TMEFF2: variants seen among roughly 807,000 people sequenced by gnomAD.
The protein encoded by TMEFF2 is transmembrane protein with EGF like and two follistatin like domains 2, also known as tomoregulin-2.
TMEFF2 carries 28 observed loss-of-function variants against 53.8 expected under a neutral mutation model. The ratio of observed to expected loss-of-function variants is 0.52; its 90% CI spans 0.39 to 0.71. The LOEUF is 0.71. Among genes scored for constraint, TMEFF2 ranks in the 30% least tolerant of loss-of-function variants. TMEFF2 has a pLI of 0.00. For missense variants in TMEFF2, 353 were observed against 455.2 expected (o/e 0.78, Z 2.04); for synonymous variants, 162 against 166.3 (o/e 0.97, Z 0.20).
chr2:192,050,682 G>GT (rs376089577), intron 5 of TMEFF2, among the ~76,000 whole-genome samples: 203 of 152,260 alleles, frequency 1.3e-3, no homozygotes, highest in African/African-American at 4.7e-3. Flanking sequence ...CCTGGGCATT[G>GT]TTTAATGCCC....
At chr2:192,076,040 C>A (rs1347280533) in intron 4 of TMEFF2, among the ~76,000 whole-genome samples, 1 of 151,758 alleles carries the variant, frequency 6.6e-6, no homozygotes, top group Admixed American at 6.6e-5. Flanking sequence ...TCTCTGTGGG[C>A]ATAATCTGTT....
Position 192,104,522 on chromosome 2 carries a change from G to T in TMEFF2, c.440-46747C>A, listed in dbSNP as rs73982395. 2.6e-3 allele frequency among the ~76,000 whole-genome samples: 398 copies of T among 152,124 alleles called. 1 individual carries two copies. The highest frequency in any genetic ancestry group is 0.02 in the Middle Eastern group (6 of 294). On this transcript the variant is annotated intron_variant, in intron 4 of 9. Coordinates refer to ENST00000272771, the MANE Select transcript of TMEFF2 (RefSeq NM_016192.4). Reference sequence around the variant, plus strand: ...TTGCAATATATGAAACCATTAAAATGGTAATAAAAAATAGAAAGTGGTTAC... The same window carrying T: ...TTGCAATATATGAAACCATTAAAATTGTAATAAAAAATAGAAAGTGGTTAC...
chr2:192,136,706 C>G (rs1380928863), intron 4 of TMEFF2, among the ~76,000 whole-genome samples: 1 of 152,104 alleles, frequency 6.6e-6, no homozygotes, highest in African/African-American at 2.4e-5. Flanking sequence ...TCTCTCCTTT[C>G]CCTCTCTCTC....
intron 4 of TMEFF2, among the ~76,000 whole-genome samples, chr2:192,115,385 C>T (rs886299296): frequency 6.6e-6 from 1 of 151,852 alleles, no homozygotes; most frequent in Non-Finnish European, 1.5e-5. Flanking sequence ...TACAAGAAAA[C>T]ATCAGGGAAC....
chr2:192,024,442 T>C (rs1382713417), intron 5 of TMEFF2, among the ~76,000 whole-genome samples: 3 of 152,224 alleles, frequency 2.0e-5, no homozygotes, highest in African/African-American at 7.2e-5. Context: ...TATGTTAGCA[T>C]GGTATAGAAT....
intron 5 of TMEFF2, among the ~76,000 whole-genome samples, chr2:192,037,612 G>C (rs542484256): frequency 4.5e-5 from 5 of 111,848 alleles, no homozygotes; most frequent in Non-Finnish European, 7.7e-5. Context: ...GTGTGTGAGA[G>C]AGAAAGAGAG....
Position 191,999,051 on chromosome 2 carries a change from G to A in TMEFF2, c.685+9C>T. The stretch of plus-strand genomic sequence containing the variant: ...CATTCTTTGAAATGAATTTTGGTAT[G>A]AACATTACCTTGACATCGACCCAAA... On this transcript the variant is annotated intron_variant, in intron 6 of 9. Transcript: ENST00000272771. 1 of 1,601,318 alleles carries A rather than the reference G, an allele frequency of 6.2e-7. No individual in the cohort carries two copies. Among genetic ancestry groups the A allele is most frequent in the Admixed American group, 1.7e-5 (1 of 58,764 alleles).
chr2:192,063,192 C>T (rs1038548198), intron 4 of TMEFF2, among the ~76,000 whole-genome samples: 1 of 151,700 alleles, frequency 6.6e-6, no homozygotes, highest in Non-Finnish European at 1.5e-5. Flanking sequence ...GTATAAATTG[C>T]CTTCTAAAGA....
chr2:192,106,731 C>T (rs1364635096), intron 4 of TMEFF2, among the ~76,000 whole-genome samples: 1 of 151,714 alleles, frequency 6.6e-6, no homozygotes, highest in Non-Finnish European at 1.5e-5. Flanking sequence ...ATATATTGTC[C>T]TAGTCCCCAT....
intron 4 of TMEFF2, among the ~76,000 whole-genome samples, chr2:192,089,715 T>G (rs1191112072): frequency 6.6e-6 from 1 of 152,144 alleles, no homozygotes; most frequent in Non-Finnish European, 1.5e-5. Flanking sequence ...GTTATTCCTC[T>G]TCCAAGCTGT....
At chr2:192,142,120 T>C (rs1690151776) in intron 4 of TMEFF2, among the ~76,000 whole-genome samples, 1 of 152,156 alleles carries the variant, frequency 6.6e-6, no homozygotes, top group African/African-American at 2.4e-5. Flanking sequence ...TGATGTGTGT[T>C]TTCATTATAT....
chr2:192,038,425 C>T (rs1038124253), intron 5 of TMEFF2, among the ~76,000 whole-genome samples: 15 of 152,284 alleles, frequency 9.9e-5, no homozygotes, highest in African/African-American at 3.6e-4. Flanking sequence ...GTAAGCACTA[C>T]AACAATAATA....
At chr2:192,143,804 G>A (rs1439086052) in intron 4 of TMEFF2, among the ~76,000 whole-genome samples, 8 of 152,060 alleles carry the variant, frequency 5.3e-5, no homozygotes, top group Non-Finnish European at 1.0e-4. Context: ...TGGTTTATTT[G>A]AAGGATATAA....
At chr2:192,089,671 C>G (rs763206323) in intron 4 of TMEFF2, among the ~76,000 whole-genome samples, 6 of 152,204 alleles carry the variant, frequency 3.9e-5, no homozygotes, top group African/African-American at 1.4e-4. Context: ...GCACTGTAGC[C>G]GACACACAGT....
At chr2:192,014,723 A>C (rs1162049819) in intron 5 of TMEFF2, among the ~76,000 whole-genome samples, 1 of 152,210 alleles carries the variant, frequency 6.6e-6, no homozygotes, top group Non-Finnish European at 1.5e-5. Flanking sequence ...TTTCATTTCA[A>C]AGATGCAGGG....
At chr2:191,995,824 C>T (rs550022573) in intron 7 of TMEFF2, among the ~76,000 whole-genome samples, 19 of 151,792 alleles carry the variant, frequency 1.3e-4, no homozygotes, top group Non-Finnish European at 4.4e-5. Flanking sequence ...TATCTTTGTT[C>T]CTGTCTTATA....
At chr2:191,960,962 C>A (rs1692253230) in intron 7 of TMEFF2, among the ~76,000 whole-genome samples, 1 of 152,030 alleles carries the variant, frequency 6.6e-6, no homozygotes, top group Non-Finnish European at 1.5e-5. Flanking sequence ...CTGAAAGTAA[C>A]ATTTATTTCT....
intron 7 of TMEFF2, among the ~76,000 whole-genome samples, chr2:191,962,780 C>T (rs73984824): frequency 0.027 from 4,041 of 152,200 alleles, 189 homozygotes; most frequent in African/African-American, 0.092. Flanking sequence ...ATAAGTAGCT[C>T]CTTAGCTGTT....
intron 2 of TMEFF2, among the ~76,000 whole-genome samples, chr2:192,186,015 T>C (rs996337043): frequency 6.6e-6 from 1 of 152,174 alleles, no homozygotes; most frequent in Non-Finnish European, 1.5e-5. Flanking sequence ...ATAAATATTC[T>C]TTATCTTAAT....
Sources: gnomAD v4.1 joint callset for allele counts (sites outside exome capture counted in the v4.1 genomes callset) on GRCh38, gnomAD v4.1.1 for gene constraint, MANE v1.5 for transcripts, NCBI Gene and HGNC (gene_info 2026-07-23, HGNC 2026-07-21) for gene names.